DCC: variants seen among roughly 807,000 people sequenced by gnomAD.
The protein encoded by DCC is DCC netrin 1 receptor, also known as netrin receptor DCC.
In DCC, 58 loss-of-function variants were observed where a neutral mutation model predicts 172.5. The ratio of observed to expected loss-of-function variants is 0.34; its 90% CI spans 0.27 to 0.42. The LOEUF is 0.42. DCC is among the 10% of genes least tolerant of loss of function. DCC has a pLI of 1.00. For synonymous variants in DCC, 709 were observed against 644.5 expected, an observed-to-expected ratio of 1.10 and a Z score of -1.52; for missense variants, 1,740 against 1,791.0, an observed-to-expected ratio of 0.97 and a Z score of 0.51.
intron 1 of DCC, among the ~76,000 whole-genome samples, chr18:52,665,313 T>A (rs1432397416): frequency 6.6e-6 from 1 of 152,220 alleles, no homozygotes; most frequent in Non-Finnish European, 1.5e-5. Context: ...TGGGTATGAC[T>A]TGCTACTATA....
chr18:52,675,058 T>C (rs2035625281), intron 1 of DCC, among the ~76,000 whole-genome samples: 1 of 152,166 alleles, frequency 6.6e-6, no homozygotes, highest in Admixed American at 6.5e-5. Flanking sequence ...CTTTGTTTGT[T>C]TGTCTGTCTG....
At chr18:53,498,524 T>G (rs532570544) in intron 26 of DCC, among the ~76,000 whole-genome samples, 1 of 148,404 alleles carries the variant, frequency 6.7e-6, no homozygotes, top group Admixed American at 6.8e-5. Context: ...GAAAACTTCC[T>G]TGAAAATATT....
intron 5 of DCC, among the ~76,000 whole-genome samples, chr18:53,042,490 GT>G: frequency 6.6e-6 from 1 of 151,984 alleles, no homozygotes; most frequent in Non-Finnish European, 1.5e-5. Flanking sequence ...TCTCTGCCAG[GT>G]TTTGGTATCA....
chr18:52,964,279 T>G (rs571947653), intron 5 of DCC, among the ~76,000 whole-genome samples: 41 of 152,282 alleles, frequency 2.7e-4, no homozygotes, highest in African/African-American at 9.4e-4. Flanking sequence ...TGAAATAGTT[T>G]ACCAACATTA....
At chr18:52,584,587 C>T (rs193285851) in intron 1 of DCC, among the ~76,000 whole-genome samples, 18 of 152,224 alleles carry the variant, frequency 1.2e-4, no homozygotes, top group African/African-American at 4.3e-4. Flanking sequence ...GTTCAAATCC[C>T]AGTTTCTCTC....
At chr18:52,390,796 C>G (rs1467460396) in intron 1 of DCC, among the ~76,000 whole-genome samples, 2 of 152,068 alleles carry the variant, frequency 1.3e-5, no homozygotes, top group Non-Finnish European at 2.9e-5. Context: ...TCATATCCAT[C>G]TTTTTCCCCA....
intron 15 of DCC, among the ~76,000 whole-genome samples, chr18:53,382,345 C>G (rs1023704289): frequency 3.9e-5 from 6 of 151,920 alleles, no homozygotes; most frequent in African/African-American, 1.4e-4. Flanking sequence ...AATATATTTC[C>G]CAGTGGAAAA....
At chr18:53,305,028 G>A (rs981494402) in intron 12 of DCC, among the ~76,000 whole-genome samples, 1 of 152,118 alleles carries the variant, frequency 6.6e-6, no homozygotes, top group Non-Finnish European at 1.5e-5. Context: ...TTATAAAGGG[G>A]AGTTCCCCTA....
chr18:52,937,194 G>A (rs1264865798), intron 5 of DCC, among the ~76,000 whole-genome samples: 2 of 152,024 alleles, frequency 1.3e-5, no homozygotes, highest in African/African-American at 4.8e-5. Flanking sequence ...TATATGTGCA[G>A]GCAGGTAGAA....
At chr18:52,598,116 C>T (rs1481875595) in intron 1 of DCC, among the ~76,000 whole-genome samples, 2 of 151,954 alleles carry the variant, frequency 1.3e-5, no homozygotes, top group Non-Finnish European at 2.9e-5. Context: ...CTTGTGTGGC[C>T]CTTAAGCAAG....
chr18:52,557,132 G>A lies in DCC; in HGVS notation c.92-194922G>A, dbSNP rs148761272. ...GCTGTGTAAATATTTACACATATTC[G>A]CCCCATTTCTTAGAAAAGCACAAGT... is the stretch of plus-strand genomic sequence containing the variant. On this transcript the variant is annotated intron_variant, in intron 1 of 28. Transcript: ENST00000442544. Among the ~76,000 whole-genome samples, 77 of 151,906 alleles carry A rather than the reference G, an allele frequency of 5.1e-4. 1 individual carries two copies. Among genetic ancestry groups the A allele is most frequent in the Middle Eastern group, 3.4e-3 (1 of 294 alleles).
chr18:53,306,009 C>T (rs1350493518), intron 13 of DCC, among the ~76,000 whole-genome samples: 1 of 152,156 alleles, frequency 6.6e-6, no homozygotes, highest in Non-Finnish European at 1.5e-5. Flanking sequence ...TATCTAAAAA[C>T]TTAACATTTT....
At chr18:53,510,596 A>G (rs1427894954) in intron 27 of DCC, among the ~76,000 whole-genome samples, 1 of 152,252 alleles carries the variant, frequency 6.6e-6, no homozygotes. Context: ...GACAGTTTTC[A>G]TCCTTTGCAT....
chr18:53,531,325 G>C lies in DCC; in HGVS notation c.*672G>C, dbSNP rs758227875. Reference sequence around the variant, plus strand: ...CCACCCTTGGTTAATATGTATGTCTGGAGTCCAGGAATATAAAAATCTGCA... The same window carrying C: ...CCACCCTTGGTTAATATGTATGTCTCGAGTCCAGGAATATAAAAATCTGCA... On this transcript the variant is annotated 3_prime_UTR_variant, in exon 29 of 29. Transcript: ENST00000442544. The C allele has an allele frequency of 6.4e-6, 1 of 156,382 alleles. No homozygotes were observed. Among genetic ancestry groups the C allele is most frequent in the East Asian group, 1.9e-4 (1 of 5,348 alleles). The allele number at this position is 156,382 out of a possible 1,614,324, so 9.7% of individuals were successfully genotyped here. A position where few individuals can be genotyped will look rare whatever the true frequency, so the allele number is the denominator to read the frequency against.
chr18:53,263,475 A>T (rs1292937614), intron 12 of DCC, among the ~76,000 whole-genome samples: 1 of 152,124 alleles, frequency 6.6e-6, no homozygotes, highest in East Asian at 1.9e-4. Context: ...TTTAAAATGT[A>T]TTTCTATATC....
At chr18:52,951,076 G>C (rs1442493035) in intron 5 of DCC, among the ~76,000 whole-genome samples, 3 of 150,804 alleles carry the variant, frequency 2.0e-5, no homozygotes, top group African/African-American at 4.9e-5. Flanking sequence ...CTTGTTGCTC[G>C]GTCCTGCATT....
intron 5 of DCC, among the ~76,000 whole-genome samples, chr18:53,013,606 C>G (rs1388398930): frequency 1.3e-5 from 2 of 151,330 alleles, no homozygotes; most frequent in African/African-American, 4.9e-5. Flanking sequence ...GGCTTAAATC[C>G]TAGATGATGG....
intron 2 of DCC, among the ~76,000 whole-genome samples, chr18:52,782,011 A>G (rs933739975): frequency 6.6e-6 from 1 of 152,156 alleles, no homozygotes; most frequent in Non-Finnish European, 1.5e-5. Context: ...TTTTTTAAAG[A>G]AAATAATTTC....
At chr18:52,723,792 G>A (rs2036509303) in intron 1 of DCC, among the ~76,000 whole-genome samples, 1 of 152,150 alleles carries the variant, frequency 6.6e-6, no homozygotes. Context: ...AGAAGGCAAT[G>A]CTGAAAACCC....
Sources: allele counts gnomAD v4.1 joint callset (sites outside exome capture counted in the v4.1 genomes callset), GRCh38; gene constraint gnomAD v4.1.1; transcripts MANE v1.5; gene names NCBI Gene and HGNC (gene_info 2026-07-23, HGNC 2026-07-21).